NLGN1: variants seen among roughly 807,000 people sequenced by gnomAD.
NLGN1 encodes neuroligin 1, also known as neuroligin-1.
In NLGN1, 12 loss-of-function variants were observed where a neutral mutation model predicts 65.5. The ratio of observed to expected loss-of-function variants is 0.18; its 90% confidence interval spans 0.12 to 0.30. The LOEUF is 0.30. Among genes scored for constraint, NLGN1 ranks in the 10% least tolerant of loss-of-function variants. The pLI, the probability that NLGN1 is intolerant of heterozygous loss-of-function variation, is 1.00. For missense variants in NLGN1, 750 were observed against 1,007.1 expected (o/e 0.74, Z 3.46); for synonymous variants, 350 against 359.5 (o/e 0.97, Z 0.30).
At chr3:173,673,097 G>A (rs1762667884) in intron 3 of NLGN1, among the ~76,000 whole-genome samples, 1 of 152,072 alleles carries the variant, frequency 6.6e-6, no homozygotes, top group Non-Finnish European at 1.5e-5. Context: ...AATTATATTG[G>A]TAAATCAAAG....
intron 3 of NLGN1, among the ~76,000 whole-genome samples, chr3:173,738,479 A>G (rs1282455052): frequency 6.6e-6 from 1 of 152,116 alleles, no homozygotes; most frequent in East Asian, 1.9e-4. Context: ...CAGTTGACTC[A>G]GGACCATTTG....
chr3:173,803,088 G>C (rs973402607), intron 3 of NLGN1, among the ~76,000 whole-genome samples: 6 of 151,986 alleles, frequency 3.9e-5, no homozygotes, highest in Non-Finnish European at 8.8e-5. Flanking sequence ...TGATCCACCT[G>C]CCTCAGCCTC....
At chr3:173,484,362 A>T (rs1727803717) in intron 2 of NLGN1, among the ~76,000 whole-genome samples, 1 of 152,154 alleles carries the variant, frequency 6.6e-6, no homozygotes, top group Non-Finnish European at 1.5e-5. Flanking sequence ...GGGGAGAGGG[A>T]TGGATTTGTT....
At chr3:173,815,443 G>C (rs1718845058) in intron 4 of NLGN1, among the ~76,000 whole-genome samples, 1 of 151,980 alleles carries the variant, frequency 6.6e-6, no homozygotes, top group Non-Finnish European at 1.5e-5. Context: ...CCCTTGTCAA[G>C]ATTCCCAAAG....
At chr3:173,986,188 G>A (rs1719873111) in intron 4 of NLGN1, among the ~76,000 whole-genome samples, 1 of 151,798 alleles carries the variant, frequency 6.6e-6, no homozygotes, top group Non-Finnish European at 1.5e-5. Context: ...GGAAATTTGG[G>A]CCAGACACGG....
At chr3:173,507,181 G>A (rs1732171234) in intron 2 of NLGN1, among the ~76,000 whole-genome samples, 1 of 152,010 alleles carries the variant, frequency 6.6e-6, no homozygotes, top group African/African-American at 2.4e-5. Context: ...GTTTGCTGCT[G>A]ATGAGAAAGA....
intron 2 of NLGN1, among the ~76,000 whole-genome samples, chr3:173,509,244 A>G (rs957439886): frequency 1.3e-5 from 2 of 152,226 alleles, no homozygotes; most frequent in Non-Finnish European, 2.9e-5. Flanking sequence ...GCTACAAAGT[A>G]AGTATATGTA....
intron 3 of NLGN1, among the ~76,000 whole-genome samples, chr3:173,715,646 A>G (rs1212937937): frequency 1.3e-5 from 2 of 152,098 alleles, no homozygotes; most frequent in African/African-American, 4.8e-5. Flanking sequence ...GGTGTATAGA[A>G]CTTATTATGC....
intron 3 of NLGN1, among the ~76,000 whole-genome samples, chr3:173,605,848 GT>G (rs1274807964): frequency 1.6e-4 from 24 of 152,182 alleles, no homozygotes; most frequent in Admixed American, 2.0e-4. Flanking sequence ...TTGGCTTTGA[GT>G]TTGTGTTTAG....
intron 4 of NLGN1, among the ~76,000 whole-genome samples, chr3:174,002,334 G>A (rs532016367): frequency 6.6e-6 from 1 of 152,212 alleles, no homozygotes; most frequent in Non-Finnish European, 1.5e-5. Context: ...CACCATGTTG[G>A]CCAGGCTGGT....
rs964945971 is a variant in NLGN1, at chr3:173,754,278, G to A, written c.494-53402G>A. The stretch of plus-strand genomic sequence containing the variant: ...GTCCAGGTTGGTCTTCTGAACTCAA[G>A]CAATCTACCCGCCTTGGGCTTCCAA... On this transcript the variant is annotated intron_variant, in intron 3 of 6. Coordinates refer to ENST00000457714, the Ensembl canonical transcript of NLGN1. Among the ~76,000 whole-genome samples the A allele has an allele frequency of 5.3e-5, 8 of 151,876 alleles. No homozygotes were observed. The South Asian group carries it at 8.3e-4, about 16-fold the overall frequency.
intron 4 of NLGN1, among the ~76,000 whole-genome samples, chr3:174,213,011 A>G (rs1736976701): frequency 6.6e-6 from 1 of 152,232 alleles, no homozygotes. Flanking sequence ...AATCCAGGAT[A>G]CTATCCTTAT....
chr3:173,413,805 A>C (rs929438485), intron 1 of NLGN1, among the ~76,000 whole-genome samples: 2 of 152,144 alleles, frequency 1.3e-5, no homozygotes, highest in Non-Finnish European at 2.9e-5. Context: ...GGAGCTAAAC[A>C]TACCAGGTGA....
intron 3 of NLGN1, chr3:173,800,269 C>A: frequency 1.1e-6 from 1 of 924,790 alleles, no homozygotes; most frequent in Non-Finnish European, 1.4e-6. Flanking sequence ...TTTTTTTCCT[C>A]CATTTCTCCG....
At chr3:174,269,447 T>G (rs1465071593) in intron 4 of NLGN1, among the ~76,000 whole-genome samples, 1 of 152,038 alleles carries the variant, frequency 6.6e-6, no homozygotes, top group Non-Finnish European at 1.5e-5. Flanking sequence ...GCTTTTTTTG[T>G]GACTGGCTTA....
chr3:173,834,222 C>T (rs1723156025), intron 4 of NLGN1, among the ~76,000 whole-genome samples: 1 of 152,082 alleles, frequency 6.6e-6, no homozygotes, highest in African/African-American at 2.4e-5. Flanking sequence ...TTTAAATTAG[C>T]TGTATATTCT....
chr3:173,759,530 T>G (rs1777640283), intron 3 of NLGN1, among the ~76,000 whole-genome samples: 1 of 151,964 alleles, frequency 6.6e-6, no homozygotes, highest in Admixed American at 6.6e-5. Flanking sequence ...CTGTGACAGC[T>G]ATTTCTTTGA....
intron 2 of NLGN1, among the ~76,000 whole-genome samples, chr3:173,588,535 A>G (rs1299837451): frequency 6.6e-6 from 1 of 152,210 alleles, no homozygotes; most frequent in Non-Finnish European, 1.5e-5. Flanking sequence ...GAAGTCAGGG[A>G]AAACTAGTGA....
chr3:173,560,491 T>C (rs1359177381), intron 2 of NLGN1, among the ~76,000 whole-genome samples: 1 of 151,590 alleles, frequency 6.6e-6, no homozygotes, highest in Non-Finnish European at 1.5e-5. Flanking sequence ...CCGGTAAATT[T>C]ACTCCTGTAG....
Sources: allele counts gnomAD v4.1 joint callset (sites outside exome capture counted in the v4.1 genomes callset), GRCh38; gene constraint gnomAD v4.1.1; transcripts MANE v1.5; gene names NCBI Gene and HGNC (gene_info 2026-07-23, HGNC 2026-07-21).